PHTF2: variants seen among roughly 807,000 people sequenced by gnomAD.
The protein encoded by PHTF2 is putative homeodomain transcription factor 2.
Under a neutral mutation model 101.2 loss-of-function variants are expected in PHTF2, and 60 were observed. That is an observed-to-expected ratio of 0.59 (90% CI 0.48 to 0.73). The LOEUF is 0.73. Ranked by LOEUF, PHTF2 falls within the 30% of genes least tolerant of loss-of-function variation. The pLI, the probability that PHTF2 is intolerant of heterozygous loss-of-function variation, is 0.00. For synonymous variants in PHTF2, 311 were observed against 307.3 expected (o/e 1.01, Z -0.13); for missense variants, 747 against 908.7 (o/e 0.82, Z 2.29).
chr7:77,913,203 C>T (rs528436274), intron 9 of PHTF2, among the ~76,000 whole-genome samples: 2 of 151,876 alleles, frequency 1.3e-5, no homozygotes, highest in Non-Finnish European at 2.9e-5. Context: ...GTCTGGCCAA[C>T]ATGGTGAAAC....
intron 2 of PHTF2, among the ~76,000 whole-genome samples, chr7:77,848,171 G>A (rs1349132431): frequency 9.2e-5 from 14 of 152,156 alleles, no homozygotes; most frequent in Admixed American, 8.5e-4. Flanking sequence ...AGTGAACATG[G>A]GAGTGCAGAT....
chr7:77,945,101 A>G (rs1805938819), intron 16 of PHTF2, among the ~76,000 whole-genome samples: 1 of 152,224 alleles, frequency 6.6e-6, no homozygotes, highest in Admixed American at 6.5e-5. Flanking sequence ...GCATTTTGGG[A>G]GGCTGAGGCA....
At chr7:77,854,623 A>G (rs778422199) in intron 2 of PHTF2, 8 of 635,350 alleles carry the variant, frequency 1.3e-5, no homozygotes, top group Admixed American at 6.6e-5. Flanking sequence ...CAGAGCCTGG[A>G]GTCAGGAATC....
chr7:77,948,998 G>T (rs1806312625), intron 16 of PHTF2, among the ~76,000 whole-genome samples: 1 of 152,158 alleles, frequency 6.6e-6, no homozygotes, highest in African/African-American at 2.4e-5. Flanking sequence ...TTGCAGCATT[G>T]CTTGTAATAA....
chr7:77,804,396 G>T (rs1281168376), intron 1 of PHTF2, among the ~76,000 whole-genome samples: 1 of 152,168 alleles, frequency 6.6e-6, no homozygotes. Context: ...TGCGATCTTG[G>T]CTCATTGCAA....
chr7:77,906,598 A>T (rs967055450), intron 7 of PHTF2: 1 of 152,228 alleles, frequency 6.6e-6, no homozygotes, highest in African/African-American at 2.4e-5. Flanking sequence ...AAGAGTTCAG[A>T]TAAATAACCA....
At chr7:77,907,573 T>G (rs1007943594) in intron 7 of PHTF2, among the ~76,000 whole-genome samples, 14 of 152,204 alleles carry the variant, frequency 9.2e-5, no homozygotes, top group African/African-American at 3.4e-4. Flanking sequence ...AACCCAAGTT[T>G]ACTCATGTTG....
chr7:77,905,489 C>A (rs1181240828), intron 7 of PHTF2, among the ~76,000 whole-genome samples: 2 of 150,870 alleles, frequency 1.3e-5, no homozygotes, highest in Admixed American at 6.6e-5. Flanking sequence ...ACTTCACCCT[C>A]TTAAAGTGCT....
At chr7:77,836,581 G>A (rs1053024696) in intron 1 of PHTF2, among the ~76,000 whole-genome samples, 2 of 152,166 alleles carry the variant, frequency 1.3e-5, no homozygotes, top group Non-Finnish European at 2.9e-5. Context: ...CAACCCAAAT[G>A]CCCATCAGTG....
rs549752265 is a variant in PHTF2 at position 77,803,258 on chromosome 7, A to C, written c.-36+4287A>C. ...ATTTAATGAGAGGAAGTAAAGGGAAAAGTGCATAGTATGCAGCTTTCCAGT... is the reference window on the plus strand; with the variant it reads ...ATTTAATGAGAGGAAGTAAAGGGAACAGTGCATAGTATGCAGCTTTCCAGT... On this transcript the variant is annotated intron_variant, in intron 1 of 19. Coordinates refer to ENST00000416283, the Ensembl canonical transcript of PHTF2. Among the ~76,000 whole-genome samples, 17 of 152,332 alleles carry C rather than the reference A, an allele frequency of 1.1e-4. No individual in the cohort carries two copies. In the East Asian group the frequency reaches 2.3e-3, roughly 21 times the overall value.
At chr7:77,860,924 G>A (rs890576609) in intron 3 of PHTF2, among the ~76,000 whole-genome samples, 78 of 152,022 alleles carry the variant, frequency 5.1e-4, no homozygotes, top group African/African-American at 1.7e-3. Context: ...GGCTGGTCTC[G>A]AACTCCTGGG....
At chr7:77,901,943 T>G (rs1170330209) in intron 7 of PHTF2, 23 bp downstream of exon 6, 1 of 1,476,830 alleles carries the variant, frequency 6.8e-7, no homozygotes, top group Non-Finnish European at 9.1e-7. Context: ...GATTTTTGCT[T>G]TTACTTTTCA....
chr7:77,893,480 G>C, intron 3 of PHTF2, 128 bp from the exon 3 acceptor site: 1 of 481,626 alleles, frequency 2.1e-6, no homozygotes, highest in Non-Finnish European at 3.7e-6. Flanking sequence ...ACTGATCTGA[G>C]AAGTCTGAGA....
chr7:77,933,291 GGA>G (rs567144741), intron 12 of PHTF2, among the ~76,000 whole-genome samples: 4 of 152,196 alleles, frequency 2.6e-5, no homozygotes, highest in Non-Finnish European at 5.9e-5. Context: ...TCAAGGGACA[GGA>G]GAGGGGATGA....
intron 1 of PHTF2, among the ~76,000 whole-genome samples, chr7:77,826,084 C>T (rs1196164004): frequency 6.6e-6 from 1 of 151,688 alleles, no homozygotes. Context: ...AACTTCAAAA[C>T]TAAGGAGAGA....
intron 3 of PHTF2, among the ~76,000 whole-genome samples, chr7:77,872,460 C>T (rs1490187732): frequency 2.0e-5 from 3 of 152,188 alleles, no homozygotes; most frequent in Non-Finnish European, 2.9e-5. Context: ...ATTAATTAGC[C>T]AATGCCAGAG....
intron 7 of PHTF2, among the ~76,000 whole-genome samples, chr7:77,904,989 A>G (rs1562934390): frequency 1.3e-5 from 2 of 151,982 alleles, no homozygotes; most frequent in Admixed American, 6.6e-5. Context: ...ACCTTATGAG[A>G]TTTTTTTTAA....
chr7:77,824,700 T>C (rs1200304600), intron 1 of PHTF2, among the ~76,000 whole-genome samples: 1 of 152,092 alleles, frequency 6.6e-6, no homozygotes, highest in Admixed American at 6.6e-5. Context: ...AACTTTTTAA[T>C]TGAGTCAGTA....
intron 2 of PHTF2, among the ~76,000 whole-genome samples, chr7:77,852,824 A>C (rs1229789102): frequency 6.6e-6 from 1 of 152,094 alleles, no homozygotes; most frequent in African/African-American, 2.4e-5. Flanking sequence ...TTTTTCCTTC[A>C]TGTTTGAAAG....
Sources: allele counts gnomAD v4.1 joint callset (sites outside exome capture counted in the v4.1 genomes callset), GRCh38; gene constraint gnomAD v4.1.1; transcripts MANE v1.5; gene names NCBI Gene and HGNC (gene_info 2026-07-23, HGNC 2026-07-21).